USP7: variants seen among roughly 807,000 people sequenced by gnomAD.
USP7 encodes the protein ubiquitin specific peptidase 7, also known as ubiquitin C-terminal hydrolase 7.
USP7 carries 9 observed loss-of-function variants against 162.9 expected under a neutral mutation model. The ratio of observed to expected loss-of-function variants is 0.06; its 90% CI spans 0.03 to 0.10. The LOEUF is 0.10. Among genes scored for constraint, USP7 ranks in the 10% least tolerant of loss-of-function variants. The pLI is 1.00. For synonymous variants in USP7, 562 were observed against 475.9 expected (o/e 1.18, Z -2.35); for missense variants, 715 against 1,373.7 (o/e 0.52, Z 7.58).
intron 2 of USP7, among the ~76,000 whole-genome samples, chr16:8,924,135 T>C (rs947871922): frequency 6.6e-6 from 1 of 152,218 alleles, no homozygotes; most frequent in African/African-American, 2.4e-5. Context: ...GAGGTCCAAC[T>C]GAAGGTCTCC....
intron 1 of USP7, among the ~76,000 whole-genome samples, chr16:8,957,906 C>CA (rs1899874531): frequency 1.3e-5 from 2 of 151,896 alleles, no homozygotes; most frequent in African/African-American, 2.4e-5. Context: ...CCAAAAGGAT[C>CA]AAAAAAACAC....
intron 2 of USP7, 111 bp from the exon 3 acceptor site, chr16:8,923,524 C>G: frequency 8.4e-7 from 1 of 1,186,268 alleles, no homozygotes; most frequent in East Asian, 2.6e-5. Context: ...CTGCTAAAAC[C>G]TAACAGTTTG....
intron 1 of USP7, chr16:8,935,907 C>T (rs1443812801): frequency 6.6e-6 from 1 of 152,172 alleles, no homozygotes; most frequent in Non-Finnish European, 1.5e-5. Flanking sequence ...ACCTCCCAAT[C>T]GCTATGGAAG....
chr16:8,944,430 T>C (rs1899188931), intron 1 of USP7, among the ~76,000 whole-genome samples: 1 of 152,166 alleles, frequency 6.6e-6, no homozygotes, highest in Admixed American at 6.5e-5. Flanking sequence ...CTCTTAAATG[T>C]CTGTTTTTCC....
At chr16:8,910,166 G>A (rs2061923352) in intron 11 of USP7, among the ~76,000 whole-genome samples, 2 of 152,112 alleles carry the variant, frequency 1.3e-5, no homozygotes, top group African/African-American at 4.8e-5. Context: ...CTGGATCCAT[G>A]AGGACACTGC....
At chr16:8,906,268 A>G (rs2061858288) in intron 13 of USP7, among the ~76,000 whole-genome samples, 158 bp downstream of exon 13, 1 of 152,268 alleles carries the variant, frequency 6.6e-6, no homozygotes, top group Non-Finnish European at 1.5e-5. Flanking sequence ...AAATCTCAGC[A>G]ATTAAATGGA....
At chr16:8,920,995 TA>T (rs1306363395) in intron 4 of USP7, among the ~76,000 whole-genome samples, 161 bp downstream of exon 4, 1 of 152,162 alleles carries the variant, frequency 6.6e-6, no homozygotes, top group Non-Finnish European at 1.5e-5. Flanking sequence ...GCTAAAAACG[TA>T]AGATACGAAA....
chr16:8,897,168 G>C (rs1212923605), intron 25 of USP7, 69 bp from the exon 26 acceptor site: 2 of 1,249,914 alleles, frequency 1.6e-6, no homozygotes, highest in Non-Finnish European at 2.3e-6. Context: ...CAAAGGAAGA[G>C]AGGAGAAAGT....
intron 1 of USP7, among the ~76,000 whole-genome samples, chr16:8,931,557 T>C (rs1310137225): frequency 6.6e-6 from 1 of 152,214 alleles, no homozygotes; most frequent in Non-Finnish European, 1.5e-5. Flanking sequence ...GGAAAGTGTT[T>C]AGGAAAGGAT....
intron 1 of USP7, among the ~76,000 whole-genome samples, chr16:8,952,611 G>A (rs1899606114): frequency 1.3e-5 from 2 of 152,084 alleles, no homozygotes; most frequent in Admixed American, 1.3e-4. Context: ...CCCACCTGGG[G>A]CATGCAGGCC....
chr16:8,903,456 T>A, intron 15 of USP7, 54 bp from the exon 16 acceptor site: 1 of 1,585,100 alleles, frequency 6.3e-7, no homozygotes, highest in Non-Finnish European at 8.6e-7. Flanking sequence ...AAAAAATGAG[T>A]CCACACTGAA....
At chr16:8,905,502 A>AGC (rs2061845889) in intron 13 of USP7, among the ~76,000 whole-genome samples, 171 bp from the exon 14 acceptor site, 2 of 152,252 alleles carry the variant, frequency 1.3e-5, no homozygotes, top group African/African-American at 4.8e-5. Flanking sequence ...CTAGGCAGGC[A>AGC]GCGCCTCAGG....
chr16:8,911,887 C>A (rs574759227), intron 10 of USP7, among the ~76,000 whole-genome samples: 6 of 152,146 alleles, frequency 3.9e-5, no homozygotes, highest in African/African-American at 1.4e-4. Context: ...TCAGAGCTCA[C>A]GACAGGCTGG....
chr16:8,936,682 T>C, intron 1 of USP7: 2 of 1,519,270 alleles, frequency 1.3e-6, no homozygotes, highest in Non-Finnish European at 1.8e-6. Flanking sequence ...TCAGAGTGAC[T>C]GCATAGAATC....
chr16:8,951,640 C>T (rs1899557050), intron 1 of USP7, among the ~76,000 whole-genome samples: 1 of 152,224 alleles, frequency 6.6e-6, no homozygotes. Flanking sequence ...TAATATCTAA[C>T]TCTGTACATC....
intron 22 of USP7, 23 bp downstream of exon 22, chr16:8,899,581 G>C: frequency 1.2e-6 from 2 of 1,612,020 alleles, no homozygotes; most frequent in Non-Finnish European, 1.7e-6. Context: ...GATCTGAAGA[G>C]GAAAGGAGCA....
At chr16:8,935,431 G>A (rs554056492) in intron 1 of USP7, among the ~76,000 whole-genome samples, 10 of 152,202 alleles carry the variant, frequency 6.6e-5, no homozygotes, top group South Asian at 2.1e-4. Context: ...GGCTGGTCTC[G>A]AACTCCTGAC....
chr16:8,897,721 A>AT lies in USP7; in HGVS notation c.2719-623_2719-622insA, dbSNP rs1366297389. ...TACAAAAAAAAAAAAAAAAAAAAAA[A>AT]AAAAAATATATATATATATATATAT... On this transcript the variant is annotated intron_variant, in intron 25 of 30. Transcript: ENST00000344836. 7.0e-4 allele frequency among the ~76,000 whole-genome samples: 42 copies of AT among 59,770 alleles called. 1 individual carries two copies. The highest frequency in any genetic ancestry group is 1.1e-3 in the Non-Finnish European group (34 of 32,054). The allele number at this position is 59,770 out of a possible 152,430, so 39.2% of individuals were successfully genotyped here. A position where few individuals can be genotyped will look rare whatever the true frequency, so the allele number is the denominator to read the frequency against.
intron 1 of USP7, among the ~76,000 whole-genome samples, chr16:8,943,115 A>G (rs1899123552): frequency 1.3e-5 from 2 of 152,166 alleles, no homozygotes; most frequent in Non-Finnish European, 2.9e-5. Flanking sequence ...ACCAAGCCCC[A>G]AAGAAGGCCA....
Sources: gnomAD v4.1 joint callset for allele counts (sites outside exome capture counted in the v4.1 genomes callset) on GRCh38, gnomAD v4.1.1 for gene constraint, MANE v1.5 for transcripts, NCBI Gene and HGNC (gene_info 2026-07-23, HGNC 2026-07-21) for gene names.